The following DACH1 variants were observed in gnomAD, a reference collection of about 807,000 sequenced individuals.
DACH1 encodes the protein dachshund homolog 1.
A neutral mutation model predicts 54.2 loss-of-function variants in DACH1; 12 were observed. The ratio of observed to expected loss-of-function variants is 0.22; its 90% confidence interval spans 0.14 to 0.36. The LOEUF (loss-of-function observed/expected upper bound fraction) is 0.36. Ranked by LOEUF, DACH1 falls within the 10% of genes least tolerant of loss-of-function variation. The probability of loss-of-function intolerance (pLI) is 1.00; values close to 1 mark genes in which losing one functional copy is unlikely to be tolerated. For missense variants in DACH1, 805 were observed against 929.8 expected (o/e 0.87, Z 1.75); for synonymous variants, 386 against 366.2 (o/e 1.05, Z -0.62).
intron 1 of DACH1, among the ~76,000 whole-genome samples, chr13:71,820,517 GTTTTAAC>G (rs1282090664): frequency 7.2e-5 from 11 of 152,148 alleles, no homozygotes; most frequent in Non-Finnish European, 4.4e-5. Context: ...AGGTTTTGAA[GTTTTAAC>G]TTTTAAGTTT....
chr13:71,512,094 T>A (rs981329803), intron 6 of DACH1, among the ~76,000 whole-genome samples: 3 of 151,584 alleles, frequency 2.0e-5, no homozygotes, highest in Non-Finnish European at 4.4e-5. Context: ...TCAGCATTTC[T>A]TTTTTGGAAA....
intron 1 of DACH1, among the ~76,000 whole-genome samples, chr13:71,765,188 C>T (rs1885568580): frequency 1.3e-5 from 2 of 152,142 alleles, no homozygotes; most frequent in Non-Finnish European, 2.9e-5. Flanking sequence ...TCTGTATTCC[C>T]TTCCTGTTGC....
chr13:71,717,442 A>G (rs544949109), intron 1 of DACH1, among the ~76,000 whole-genome samples: 6 of 151,206 alleles, frequency 4.0e-5, no homozygotes, highest in Non-Finnish European at 7.4e-5. Flanking sequence ...TTCATGCCTC[A>G]TTGATTAGTT....
chr13:71,817,588 G>A (rs763410676), intron 1 of DACH1, among the ~76,000 whole-genome samples: 2 of 152,108 alleles, frequency 1.3e-5, no homozygotes, highest in Non-Finnish European at 2.9e-5. Context: ...AAATGTCTGG[G>A]TGGCACATGC....
intron 1 of DACH1, among the ~76,000 whole-genome samples, chr13:71,756,871 C>T (rs1012864595): frequency 1.4e-4 from 21 of 152,018 alleles, no homozygotes; most frequent in Admixed American, 7.2e-4. Flanking sequence ...ATCATAGAGA[C>T]GTCAAATTGG....
intron 1 of DACH1, among the ~76,000 whole-genome samples, chr13:71,755,729 G>C (rs1232728066): frequency 6.6e-6 from 1 of 152,174 alleles, no homozygotes; most frequent in Non-Finnish European, 1.5e-5. Context: ...TCTAAGAATA[G>C]AGACAGACTT....
intron 1 of DACH1, among the ~76,000 whole-genome samples, chr13:71,855,644 T>C (rs1278764322): frequency 6.6e-6 from 1 of 152,030 alleles, no homozygotes; most frequent in Non-Finnish European, 1.5e-5. Context: ...AAAAATATCT[T>C]TTATGCATCC....
chr13:71,866,690 G>A lies in DACH1; in HGVS notation c.80C>T (p.Ser27Phe). 2.1e-6 allele frequency: 3 copies of A among 1,461,294 alleles called. No individual in the cohort carries two copies. Among genetic ancestry groups the A allele is most frequent in the Middle Eastern group, 3.7e-4 (2 of 5,344 alleles). 90.5% of individuals were successfully genotyped at this position (1,461,294 alleles called of 1,614,324 possible). A position where few individuals can be genotyped will look rare whatever the true frequency, so the allele number is the denominator to read the frequency against. ...CGAAGAGGTGGAGGTGGTGGTGCCAGAGGAGGAAGCAGACGTGGAGATTGG... is the reference window on the plus strand; with the variant it reads ...CGAAGAGGTGGAGGTGGTGGTGCCAAAGGAGGAAGCAGACGTGGAGATTGG... ...QPPISTSASS[S>F]GTTTSTSSAT... Residue 27 changes from serine (S) to phenylalanine (F), a missense_variant, in exon 1 of 11, where the codon TCT becomes TTT. Transcript: ENST00000613252.
intron 7 of DACH1, among the ~76,000 whole-genome samples, chr13:71,482,796 T>G (rs1371130931): frequency 7.2e-6 from 1 of 139,504 alleles, no homozygotes; most frequent in Admixed American, 7.1e-5. Flanking sequence ...ACTGACAGTT[T>G]TTTTTTTTTT....
chr13:71,490,970 G>C (rs1468602258), intron 6 of DACH1, among the ~76,000 whole-genome samples: 4 of 152,124 alleles, frequency 2.6e-5, no homozygotes, highest in Non-Finnish European at 5.9e-5. Context: ...TAGAATCTAT[G>C]ATTCCACAAT....
Position 71,482,959 on chromosome 13 carries a change from C to G in DACH1, c.1723-3643G>C, listed in dbSNP as rs982503361. ...GGGATTACAGGCATGTGCCACCATA[C>G]CCGGCTTATTTTTTTGTATTTTTAG... On this transcript the variant is annotated intron_variant, in intron 7 of 10. Transcript: ENST00000613252. Among the ~76,000 whole-genome samples, 3 of 151,966 alleles carry G rather than the reference C, an allele frequency of 2.0e-5. No individual in the cohort carries two copies. In the East Asian group the frequency reaches 5.8e-4, roughly 29 times the overall value.
At chr13:71,505,058 G>A (rs967034478) in intron 6 of DACH1, among the ~76,000 whole-genome samples, 2 of 152,052 alleles carry the variant, frequency 1.3e-5, no homozygotes, top group Admixed American at 6.6e-5. Flanking sequence ...ACATATATTT[G>A]TTAATTAGAT....
At chr13:71,639,322 C>G (rs1270211174) in intron 2 of DACH1, among the ~76,000 whole-genome samples, 1 of 152,066 alleles carries the variant, frequency 6.6e-6, no homozygotes, top group Non-Finnish European at 1.5e-5. Context: ...TCTGGTTAGA[C>G]TGAAGATTTT....
chr13:71,472,915 T>A lies in DACH1; in HGVS notation c.2083+2226A>T, dbSNP rs968539737. Among the ~76,000 whole-genome samples, 57 of 152,366 alleles carry A rather than the reference T, an allele frequency of 3.7e-4. 2 individuals carry two copies. The highest frequency in any genetic ancestry group is 1.5e-3 in the Admixed American group (23 of 15,298). Reference sequence around the variant, plus strand: ...TTCTGTTTGTTAGCTTCCAAATGTATGAATTTTGTCTGAGGTTAGAAAAAA... The same window carrying A: ...TTCTGTTTGTTAGCTTCCAAATGTAAGAATTTTGTCTGAGGTTAGAAAAAA... On this transcript the variant is annotated intron_variant, in intron 10 of 10. Coordinates refer to ENST00000613252, the MANE Select transcript of DACH1 (RefSeq NM_080759.6).
At chr13:71,751,741 T>C (rs560421058) in intron 1 of DACH1, among the ~76,000 whole-genome samples, 1 of 152,232 alleles carries the variant, frequency 6.6e-6, no homozygotes, top group South Asian at 2.1e-4. Flanking sequence ...AAATATTAGA[T>C]TGTATGGTTT....
intron 2 of DACH1, among the ~76,000 whole-genome samples, chr13:71,638,844 C>T (rs17088358): frequency 0.15 from 23,300 of 152,108 alleles, 4,273 homozygotes; most frequent in African/African-American, 0.44. Context: ...AACTTAATGC[C>T]TTACATAGTC....
At chr13:71,705,734 T>G (rs950706744) in intron 1 of DACH1, among the ~76,000 whole-genome samples, 1 of 151,892 alleles carries the variant, frequency 6.6e-6, no homozygotes, top group Non-Finnish European at 1.5e-5. Flanking sequence ...ACCACTTAGA[T>G]CTCTATATGA....
At chr13:71,796,377 T>G (rs549561048) in intron 1 of DACH1, among the ~76,000 whole-genome samples, 2 of 152,220 alleles carry the variant, frequency 1.3e-5, no homozygotes, top group Admixed American at 6.6e-5. Context: ...ATTATAAAAA[T>G]CTTACTTTTC....
intron 3 of DACH1, among the ~76,000 whole-genome samples, chr13:71,624,124 G>C (rs936965625): frequency 6.6e-6 from 1 of 151,886 alleles, no homozygotes; most frequent in African/African-American, 2.4e-5. Flanking sequence ...TGATGGAATA[G>C]TAGCTTAGTA....
Sources: allele counts gnomAD v4.1 joint callset (sites outside exome capture counted in the v4.1 genomes callset), GRCh38; gene constraint gnomAD v4.1.1; transcripts MANE v1.5; gene names NCBI Gene and HGNC (gene_info 2026-07-23, HGNC 2026-07-21).